Variants in RBFOX1 observed in about 807,000 individuals in gnomAD.
The protein encoded by RBFOX1 is RNA binding fox-1 homolog 1.
RBFOX1 carries 8 observed loss-of-function variants against 57.7 expected under a neutral mutation model. The ratio of observed to expected loss-of-function variants is 0.14; its 90% confidence interval spans 0.08 to 0.25. The LOEUF is 0.25. RBFOX1 is among the 10% of genes least tolerant of loss of function. RBFOX1 has a pLI of 1.00. For missense variants in RBFOX1, 611 were observed against 548.5 expected (o/e 1.11, Z -1.14); for synonymous variants, 326 against 222.4 (o/e 1.47, Z -4.15).
At chr16:7,361,413 C>G (rs117147833) in intron 4 of RBFOX1, among the ~76,000 whole-genome samples, 1 of 152,168 alleles carries the variant, frequency 6.6e-6, no homozygotes. Context: ...AACGAGGCTG[C>G]GGCACTTCCC....
chr16:7,003,567 G>T (rs1036616775), intron 3 of RBFOX1, among the ~76,000 whole-genome samples: 1 of 151,990 alleles, frequency 6.6e-6, no homozygotes, highest in Non-Finnish European at 1.5e-5. Context: ...AATAAAACCA[G>T]AGGTTGAAAC....
chr16:7,093,104 G>A (rs2151159628), intron 4 of RBFOX1, among the ~76,000 whole-genome samples: 1 of 152,242 alleles, frequency 6.6e-6, no homozygotes, highest in South Asian at 2.1e-4. Context: ...AAATGCCTCA[G>A]GAATACAAAG....
chr16:5,550,338 A>G (rs1311887318), intron 2 of RBFOX1, among the ~76,000 whole-genome samples: 1 of 152,144 alleles, frequency 6.6e-6, no homozygotes, highest in Non-Finnish European at 1.5e-5. Flanking sequence ...TGTCTTACCC[A>G]CCACTGTTGC....
chr16:5,411,746 A>AG (rs1567469470), intron 1 of RBFOX1, among the ~76,000 whole-genome samples: 4 of 151,366 alleles, frequency 2.6e-5, no homozygotes. Flanking sequence ...CAAAAAAAAA[A>AG]TTAGTCAGGC....
At chr16:6,814,247 T>G (rs111756398) in intron 3 of RBFOX1, among the ~76,000 whole-genome samples, 6,188 of 99,228 alleles carry the variant, frequency 0.062, 201 homozygotes, top group Middle Eastern at 0.13. Context: ...GAGAAAATTG[T>G]GGTGGGGGGG....
chr16:5,858,315 T>A (rs529376148), intron 3 of RBFOX1, among the ~76,000 whole-genome samples: 1 of 152,312 alleles, frequency 6.6e-6, no homozygotes, highest in Non-Finnish European at 1.5e-5. Flanking sequence ...AAGCTTCAGA[T>A]AATGTTTGCA....
intron 9 of RBFOX1, among the ~76,000 whole-genome samples, chr16:7,597,638 C>A (rs2094776359): frequency 6.6e-6 from 1 of 152,198 alleles, no homozygotes; most frequent in Admixed American, 6.5e-5. Flanking sequence ...GTGTGCCTGC[C>A]CTTCTTCCCT....
chr16:5,590,571 C>T (rs1662678276), intron 2 of RBFOX1, among the ~76,000 whole-genome samples: 1 of 151,950 alleles, frequency 6.6e-6, no homozygotes, highest in East Asian at 1.9e-4. Flanking sequence ...TGATTCGGGG[C>T]GTGATGGAGG....
At chr16:6,957,550 A>G (rs1012723410) in intron 3 of RBFOX1, among the ~76,000 whole-genome samples, 5 of 152,118 alleles carry the variant, frequency 3.3e-5, no homozygotes, top group African/African-American at 9.7e-5. Flanking sequence ...GGACGATCAG[A>G]GGTGACTCTC....
chr16:5,837,693 C>G (rs1215162421), intron 3 of RBFOX1, among the ~76,000 whole-genome samples: 1 of 151,902 alleles, frequency 6.6e-6, no homozygotes, highest in Admixed American at 6.5e-5. Flanking sequence ...GTTCTATCCC[C>G]ATTCCTGTTT....
intron 2 of RBFOX1, among the ~76,000 whole-genome samples, chr16:5,500,664 C>T (rs2043162472): frequency 6.6e-6 from 1 of 152,204 alleles, no homozygotes; most frequent in African/African-American, 2.4e-5. Context: ...CAGCCAGCAG[C>T]CTCAGTGTAT....
At chr16:6,315,992 A>G (rs1236023951) in intron 1 of RBFOX1, among the ~76,000 whole-genome samples, 1 of 152,232 alleles carries the variant, frequency 6.6e-6, no homozygotes, top group Non-Finnish European at 1.5e-5. Flanking sequence ...GTCTAAACAT[A>G]TCTGCAAATA....
intron 3 of RBFOX1, among the ~76,000 whole-genome samples, chr16:6,789,836 C>G (rs1250594564): frequency 1.3e-5 from 2 of 151,918 alleles, no homozygotes; most frequent in Non-Finnish European, 2.9e-5. Context: ...CTTTCTCCCA[C>G]CTTTTTCTTC....
chr16:7,482,012 A>G (rs2064079081), intron 4 of RBFOX1, among the ~76,000 whole-genome samples: 1 of 152,242 alleles, frequency 6.6e-6, no homozygotes, highest in South Asian at 2.1e-4. Context: ...ACACCATTGT[A>G]AAGTCGAAAA....
intron 4 of RBFOX1, among the ~76,000 whole-genome samples, chr16:7,277,488 A>C (rs996379030): frequency 6.6e-6 from 1 of 152,218 alleles, no homozygotes; most frequent in Non-Finnish European, 1.5e-5. Context: ...TTTAATTGGG[A>C]TGAAGCCACA....
chr16:5,359,863 A>G (rs1195756251), intron 1 of RBFOX1, among the ~76,000 whole-genome samples: 1 of 152,212 alleles, frequency 6.6e-6, no homozygotes, highest in Admixed American at 6.5e-5. Context: ...TTTCTCACTC[A>G]TAAAATGGGG....
chr16:6,901,274 C>G lies in RBFOX1; in HGVS notation c.-15-150783C>G, dbSNP rs765890464. 1.1e-3 allele frequency among the ~76,000 whole-genome samples: 169 copies of G among 152,310 alleles called. 1 individual carries two copies. The highest frequency in any genetic ancestry group is 8.5e-4 in the Admixed American group (13 of 15,294). ...GGACAGAATTGCTTGTTCATCTCTT[C>G]TGTCTAAGCCCATCCCTCTCCGTGG... On this transcript the variant is annotated intron_variant, in intron 3 of 15. Transcript: ENST00000550418.
intron 1 of RBFOX1, among the ~76,000 whole-genome samples, chr16:5,435,618 C>G (rs376737621): frequency 2.6e-5 from 4 of 152,120 alleles, no homozygotes; most frequent in Admixed American, 6.5e-5. Context: ...CTCACTCTGT[C>G]TAGTTCTTGC....
At chr16:7,708,017 G>A (rs534137942) in intron 14 of RBFOX1, among the ~76,000 whole-genome samples, 4 of 152,264 alleles carry the variant, frequency 2.6e-5, no homozygotes, top group Admixed American at 6.5e-5. Flanking sequence ...ACAGGATACG[G>A]TGGACCAAGC....
Sources: allele counts gnomAD v4.1 joint callset (sites outside exome capture counted in the v4.1 genomes callset), GRCh38; gene constraint gnomAD v4.1.1; transcripts MANE v1.5; gene names NCBI Gene and HGNC (gene_info 2026-07-23, HGNC 2026-07-21).